PTPRD: variants seen among roughly 807,000 people sequenced by gnomAD.
PTPRD encodes the protein receptor-type tyrosine-protein phosphatase delta.
Under a neutral mutation model 214.5 loss-of-function variants are expected in PTPRD, and 34 were observed. The observed-to-expected ratio is 0.16, with a 90% CI of 0.12 to 0.21. The LOEUF (loss-of-function observed/expected upper bound fraction) is 0.21, where lower values mean the gene tolerates loss of function less well. Ranked by LOEUF, PTPRD falls within the 10% of genes least tolerant of loss-of-function variation. The probability of loss-of-function intolerance (pLI) is 1.00; values close to 1 mark genes in which losing one functional copy is unlikely to be tolerated. For synonymous variants in PTPRD, 1,128 were observed against 845.7 expected (o/e 1.33, Z -5.79); for missense variants, 2,545 against 2,398.7 (o/e 1.06, Z -1.27).
chr9:8,589,604 G>C (rs954479063), intron 14 of PTPRD, among the ~76,000 whole-genome samples: 2 of 152,132 alleles, frequency 1.3e-5, no homozygotes, highest in African/African-American at 4.8e-5. Context: ...TTAAAAACTA[G>C]AACATGGAGT....
At chr9:8,713,218 T>C (rs1260610093) in intron 12 of PTPRD, 1 of 586,390 alleles carries the variant, frequency 1.7e-6, no homozygotes, top group Admixed American at 3.0e-5. Flanking sequence ...AAATTTGGTA[T>C]CCAGTTCGCT....
chr9:9,770,064 A>C (rs2154481167), intron 5 of PTPRD, among the ~76,000 whole-genome samples: 1 of 152,308 alleles, frequency 6.6e-6, no homozygotes. Flanking sequence ...TGCTGCAATA[A>C]ACATTCATGT....
intron 2 of PTPRD, among the ~76,000 whole-genome samples, chr9:10,582,032 T>A (rs1239799331): frequency 6.6e-6 from 1 of 152,170 alleles, no homozygotes; most frequent in African/African-American, 2.4e-5. Flanking sequence ...TAATAAGATA[T>A]CCTTTTGGCA....
At chr9:8,582,081 A>C (rs1016097448) in intron 14 of PTPRD, among the ~76,000 whole-genome samples, 1 of 152,172 alleles carries the variant, frequency 6.6e-6, no homozygotes, top group Non-Finnish European at 1.5e-5. Flanking sequence ...TGGAAGTGAC[A>C]AAGATTTGAA....
chr9:9,379,679 T>C (rs1229949931), intron 9 of PTPRD, among the ~76,000 whole-genome samples: 2 of 152,080 alleles, frequency 1.3e-5, no homozygotes, highest in African/African-American at 4.8e-5. Context: ...GAAATATATT[T>C]CCATAAATTT....
intron 9 of PTPRD, among the ~76,000 whole-genome samples, chr9:9,313,402 T>G (rs1960341566): frequency 1.3e-5 from 2 of 152,176 alleles, no homozygotes; most frequent in Non-Finnish European, 2.9e-5. Context: ...TCTATTGTCT[T>G]GAGTTCACCT....
At chr9:10,523,616 T>TAGAGAGAGAGAGAGAGAGAGAG (rs1273686911) in intron 2 of PTPRD, among the ~76,000 whole-genome samples, 1 of 100,614 alleles carries the variant, frequency 9.9e-6, no homozygotes, top group African/African-American at 3.0e-5. Context: ...TATATATATA[T>TAGAGAGAGAGAGAGAGAGAGAG]ATATATAGAC....
intron 9 of PTPRD, among the ~76,000 whole-genome samples, chr9:9,191,213 G>A (rs1277527858): frequency 6.6e-6 from 1 of 152,114 alleles, no homozygotes; most frequent in Non-Finnish European, 1.5e-5. Context: ...TAGCCCTATA[G>A]AAGGGCCCAT....
intron 9 of PTPRD, among the ~76,000 whole-genome samples, chr9:9,387,262 A>G (rs1040515173): frequency 1.3e-5 from 2 of 152,210 alleles, no homozygotes; most frequent in African/African-American, 4.8e-5. Flanking sequence ...GACTATTTTA[A>G]TAATACAAGT....
At chr9:9,746,003 A>C (rs1420864988) in intron 6 of PTPRD, among the ~76,000 whole-genome samples, 1 of 152,174 alleles carries the variant, frequency 6.6e-6, no homozygotes, top group Non-Finnish European at 1.5e-5. Flanking sequence ...GAACTCAATT[A>C]ACTTTGCAAA....
chr9:8,692,667 G>A (rs1215495490), intron 12 of PTPRD, among the ~76,000 whole-genome samples: 3 of 152,188 alleles, frequency 2.0e-5, no homozygotes, highest in Non-Finnish European at 2.9e-5. Flanking sequence ...AGTCAGGAAC[G>A]TGAAATACTT....
intron 11 of PTPRD, among the ~76,000 whole-genome samples, chr9:8,771,360 G>C (rs1348118258): frequency 6.6e-6 from 1 of 152,126 alleles, no homozygotes; most frequent in African/African-American, 2.4e-5. Context: ...GACTATCACT[G>C]TACTTTTAAA....
chr9:8,734,296 CATCAGTGCA>C (rs2098693442), intron 11 of PTPRD, among the ~76,000 whole-genome samples: 1 of 152,224 alleles, frequency 6.6e-6, no homozygotes, highest in African/African-American at 2.4e-5. Context: ...TACGTAAATA[CATCAGTGCA>C]AAGAAGCACA....
At chr9:9,773,867 T>C (rs1458604061) in intron 5 of PTPRD, among the ~76,000 whole-genome samples, 3 of 152,212 alleles carry the variant, frequency 2.0e-5, no homozygotes, top group Non-Finnish European at 4.4e-5. Context: ...AGATAAGCAC[T>C]GTTCTTAGTG....
intron 10 of PTPRD, among the ~76,000 whole-genome samples, chr9:9,151,870 T>G (rs1227687330): frequency 6.6e-6 from 1 of 152,208 alleles, no homozygotes; most frequent in Non-Finnish European, 1.5e-5. Context: ...GCACCCACTG[T>G]GTCGTTAAGA....
At chr9:9,007,477 T>A (rs1415900073) in intron 11 of PTPRD, among the ~76,000 whole-genome samples, 2 of 113,276 alleles carry the variant, frequency 1.8e-5, no homozygotes, top group East Asian at 2.5e-4. Context: ...AAATATATTT[T>A]TTTTTATGTG....
chr9:9,774,254 G>T (rs2098778323), intron 5 of PTPRD, among the ~76,000 whole-genome samples: 1 of 152,118 alleles, frequency 6.6e-6, no homozygotes, highest in Admixed American at 6.5e-5. Flanking sequence ...TCATCCTAGA[G>T]GACTTTTTAT....
chr9:10,278,805 C>T (rs144224457), intron 3 of PTPRD, among the ~76,000 whole-genome samples: 7,079 of 151,582 alleles, frequency 0.047, 426 homozygotes, highest in Admixed American at 0.17. Flanking sequence ...GATGGAGTCT[C>T]GCTCTGTTGC....
chr9:8,333,230 T>C (rs1363317806), intron 43 of PTPRD, among the ~76,000 whole-genome samples: 1 of 152,148 alleles, frequency 6.6e-6, no homozygotes, highest in Non-Finnish European at 1.5e-5. Flanking sequence ...CTGGAAAAGA[T>C]TTGGAAAGCA....
Sources: gnomAD v4.1 joint callset for allele counts (sites outside exome capture counted in the v4.1 genomes callset) on GRCh38, gnomAD v4.1.1 for gene constraint, MANE v1.5 for transcripts, NCBI Gene and HGNC (gene_info 2026-07-23, HGNC 2026-07-21) for gene names.